The following LRRC18 variants were observed in gnomAD, a reference collection of about 807,000 sequenced individuals.
The protein encoded by LRRC18 is leucine rich repeat containing 18, also known as leucine-rich repeat-containing protein 18.
Under a neutral mutation model 11.2 loss-of-function variants are expected in LRRC18, and 12 were observed. The ratio of observed to expected loss-of-function variants is 1.07; its 90% CI spans 0.69 to 1.74. The LOEUF is 1.74. LRRC18 is among the 40% of genes most tolerant of loss of function. LRRC18 has a pLI of 0.00. For missense variants in LRRC18, 374 were observed against 330.5 expected (o/e 1.13, Z -1.02); for synonymous variants, 155 against 130.6 (o/e 1.19, Z -1.27).
At chr10:48,913,877 G>A in exon 1 of LRRC18, 1 of 1,614,140 alleles carries the variant, frequency 6.2e-7, no homozygotes, top group Non-Finnish European at 8.5e-7. Context: ...TGGTCATCTG[G>A]CCAATGGACT....
upstream of LRRC18, among the ~76,000 whole-genome samples, chr10:48,916,989 T>C (rs563313411): frequency 2.0e-5 from 3 of 152,264 alleles, no homozygotes; most frequent in African/African-American, 7.2e-5. Flanking sequence ...ATTGTGATAC[T>C]ATAATTTTAC....
chr10:48,921,178 G>T, the LRRC18 span, among the ~76,000 whole-genome samples: 1 of 152,106 alleles, frequency 6.6e-6, no homozygotes. Context: ...TTTTGAAAAA[G>T]AATAATAGAG....
At chr10:48,933,874 G>A in the LRRC18 span, among the ~76,000 whole-genome samples, 2 of 152,210 alleles carry the variant, frequency 1.3e-5, no homozygotes, top group East Asian at 3.9e-4. Context: ...GGGAGAAAGG[G>A]CCTGACATCA....
chr10:48,918,917 T>C (rs57694551), upstream of LRRC18, among the ~76,000 whole-genome samples: 388 of 152,290 alleles, frequency 2.5e-3, 2 homozygotes, highest in African/African-American at 8.3e-3. Context: ...AGGAGCAAAA[T>C]TGCCTGGAGA....
chr10:48,918,960 A>T (rs181914435), upstream of LRRC18, among the ~76,000 whole-genome samples: 124 of 152,350 alleles, frequency 8.1e-4, no homozygotes, highest in African/African-American at 2.9e-3. Flanking sequence ...ACTCACTATT[A>T]CCACTGACCA....
upstream of LRRC18, among the ~76,000 whole-genome samples, chr10:48,917,495 C>G (rs150737152): frequency 5.3e-5 from 8 of 152,080 alleles, no homozygotes; most frequent in Admixed American, 5.2e-4. Flanking sequence ...TGAAAGCTGC[C>G]GGAGAACAAT....
At chr10:48,914,288 C>T, upstream of LRRC18, 1 of 945,400 alleles carries the variant, frequency 1.1e-6, no homozygotes. Flanking sequence ...ACTGGGCTCC[C>T]CCACGTCATG....
Position 48,914,003 on chromosome 10 carries a change from GT to G in LRRC18, c.152del (p.Asp51AlafsTer35), listed in dbSNP as rs1249302352. 8.1e-6 allele frequency: 13 copies of G among 1,614,088 alleles called. No individual in the cohort carries two copies. Among genetic ancestry groups the G allele is most frequent in the African/African-American group, 1.3e-5 (1 of 74,922 alleles). On this transcript the variant is annotated frameshift_variant, in exon 1 of 2. Coordinates refer to ENST00000374160, the Ensembl canonical transcript of LRRC18. LOFTEE classifies it high-confidence loss of function. ...TCCGGCTAAGGTCCAGCTCGTCCAT[GT>G]CACTAAGGCGCAGAATACACTTGGG...
the LRRC18 span, among the ~76,000 whole-genome samples, chr10:48,925,841 AC>A: frequency 1.4e-4 from 21 of 152,178 alleles, no homozygotes; most frequent in African/African-American, 5.1e-4. Flanking sequence ...CACTCATGGT[AC>A]CAAAGTAATT....
chr10:48,921,232 A>G, the LRRC18 span, among the ~76,000 whole-genome samples: 22 of 152,324 alleles, frequency 1.4e-4, no homozygotes, highest in Non-Finnish European at 2.6e-4. Context: ...CCATATAGTT[A>G]CAGCATGTGG....
the LRRC18 span, among the ~76,000 whole-genome samples, chr10:48,923,496 GTATATA>G: frequency 3.2e-5 from 2 of 63,214 alleles, no homozygotes; most frequent in African/African-American, 6.9e-5. Flanking sequence ...ATAGTTTTTA[GTATATA>G]TATATATATA....
the LRRC18 span, among the ~76,000 whole-genome samples, chr10:48,935,986 T>C: frequency 6.6e-6 from 1 of 152,142 alleles, no homozygotes; most frequent in Non-Finnish European, 1.5e-5. Context: ...AAAATTATTA[T>C]GCAGATGATA....
the LRRC18 span, chr10:48,932,661 GGAGAGA>G: frequency 2.6e-5 from 4 of 151,336 alleles, no homozygotes; most frequent in Non-Finnish European, 4.4e-5. Context: ...AAAAAAAGAG[GGAGAGA>G]GAGAGAAAAA....
chr10:48,913,690 G>T, exon 1 of LRRC18: 1 of 1,613,104 alleles, frequency 6.2e-7, no homozygotes, highest in African/African-American at 1.3e-5. Context: ...ATGTTGTTCA[G>T]TAGGTTGTCA....
At chr10:48,919,090 C>T (rs75677394), upstream of LRRC18, among the ~76,000 whole-genome samples, 130 of 151,864 alleles carry the variant, frequency 8.6e-4, 2 homozygotes, top group East Asian at 0.022. Context: ...CAAGCCTTAA[C>T]GAATTTAAAG....
chr10:48,913,743 G>A (rs780447483), exon 1 of LRRC18: 4 of 1,613,790 alleles, frequency 2.5e-6, no homozygotes, highest in Non-Finnish European at 3.4e-6. Flanking sequence ...CCCCAGTGTG[G>A]TGGGCACGCT....
At chr10:48,913,574 C>G (rs1283916239) in exon 1 of LRRC18, 2 of 1,614,004 alleles carry the variant, frequency 1.2e-6, no homozygotes, top group African/African-American at 1.3e-5. Context: ...AGTTCTCCAG[C>G]CTCCTGATGG....
upstream of LRRC18, among the ~76,000 whole-genome samples, chr10:48,917,749 T>A (rs1838683704): frequency 6.6e-6 from 1 of 152,144 alleles, no homozygotes; most frequent in African/African-American, 2.4e-5. Flanking sequence ...GTTCTTCAGG[T>A]GAAAGGGAAA....
chr10:48,928,346 G>A, the LRRC18 span, among the ~76,000 whole-genome samples: 3 of 143,326 alleles, frequency 2.1e-5, no homozygotes, highest in South Asian at 6.9e-4. Flanking sequence ...GGAGGCTTTG[G>A]TTTTGACGTG....
Sources: allele counts gnomAD v4.1 joint callset (sites outside exome capture counted in the v4.1 genomes callset), GRCh38; gene constraint gnomAD v4.1.1; transcripts MANE v1.5; gene names NCBI Gene and HGNC (gene_info 2026-07-23, HGNC 2026-07-21).